SAMSN1: variants seen among roughly 807,000 people sequenced by gnomAD.
SAMSN1 encodes the protein SAM domain, SH3 domain and nuclear localization signals 1, also known as SAM domain-containing protein SAMSN-1.
In SAMSN1, 31 loss-of-function variants were observed where a neutral mutation model predicts 42.0. The observed-to-expected ratio is 0.74, with a 90% CI of 0.55 to 1.00. The LOEUF (loss-of-function observed/expected upper bound fraction) is 1.00, where lower values mean the gene tolerates loss of function less well. Ranked by LOEUF, SAMSN1 falls within the 50% of genes least tolerant of loss-of-function variation. The pLI is 0.00. For missense variants in SAMSN1, 464 were observed against 439.4 expected (o/e 1.06, Z -0.50); for synonymous variants, 178 against 151.9 (o/e 1.17, Z -1.26).
intron 2 of SAMSN1, 141 bp from the exon 3 acceptor site, chr21:14,517,182 G>T (rs770502801): frequency 1.4e-6 from 1 of 691,296 alleles, no homozygotes; most frequent in Non-Finnish European, 2.3e-6. Context: ...CTAACAATCC[G>T]GACATAACAC....
In SAMSN1 at chr21:14,631,363, G is replaced by A. The variant is rs1188342087; in HGVS notation, c.156+11639C>T. Among the ~76,000 whole-genome samples the A allele has an allele frequency of 2.6e-5, 4 of 152,276 alleles. No homozygotes were observed. In the East Asian group the frequency reaches 7.7e-4, roughly 29 times the overall value. On this transcript the variant is annotated intron_variant, in intron 2 of 15. Coordinates refer to the SAMSN1 transcript ENST00000647101. ...TCTCATTTTATAGGAGAAGAAACAAGGGCTTAAAGAGTTTAAAGAACTTGT... is the reference window on the plus strand; with the variant it reads ...TCTCATTTTATAGGAGAAGAAACAAAGGCTTAAAGAGTTTAAAGAACTTGT...
chr21:14,630,385 C>CT (rs59632143), intron 2 of SAMSN1, among the ~76,000 whole-genome samples: 4,549 of 142,130 alleles, frequency 0.032, 180 homozygotes, highest in African/African-American at 0.096. Context: ...TGCTTTACAG[C>CT]TTTTTTTTTT....
At chr21:14,616,768 A>G (rs74466723) in intron 2 of SAMSN1, among the ~76,000 whole-genome samples, 3,683 of 152,264 alleles carry the variant, frequency 0.024, 140 homozygotes, top group African/African-American at 0.081. Flanking sequence ...AGGAATTTAC[A>G]TACTAAAGAA....
chr21:14,583,595 G>A (rs550981317), upstream of SAMSN1: 15 of 697,008 alleles, frequency 2.2e-5, no homozygotes, highest in African/African-American at 2.7e-4. Context: ...ATTAACGTAT[G>A]CTTCCTTAGT....
intron 2 of SAMSN1, among the ~76,000 whole-genome samples, chr21:14,642,123 G>A (rs537588186): frequency 1.8e-4 from 28 of 152,158 alleles, no homozygotes; most frequent in Non-Finnish European, 4.0e-4. Context: ...AGGCTGAGGA[G>A]GACGAGGAAT....
In SAMSN1 at chr21:14,635,294, C is replaced by T. The variant is rs192471458; in HGVS notation, c.156+7708G>A. Among the ~76,000 whole-genome samples the T allele has an allele frequency of 3.3e-5, 5 of 152,244 alleles. No homozygotes were observed. In the East Asian group the frequency reaches 9.6e-4, roughly 29 times the overall value. ...GCAAAACACCATGACACGCATATAC[C>T]TATGTAACAACCCTGCATGTCCTGC... On this transcript the variant is annotated intron_variant, in intron 2 of 15. Coordinates refer to the SAMSN1 transcript ENST00000647101.
At chr21:14,582,837 TA>T (rs67608630) in intron 1 of SAMSN1, among the ~76,000 whole-genome samples, 9,481 of 151,824 alleles carry the variant, frequency 0.062, 577 homozygotes, top group African/African-American at 0.16. Context: ...TATTCTTAAA[TA>T]TTTTTTTAAT....
At chr21:14,636,632 C>A (rs1330933097) in intron 2 of SAMSN1, among the ~76,000 whole-genome samples, 1 of 152,066 alleles carries the variant, frequency 6.6e-6, no homozygotes, top group African/African-American at 2.4e-5. Flanking sequence ...CACGAGGTAA[C>A]AAGATCAGGA....
chr21:14,581,344 C>CTTTTTTTTTTTTTT (rs56728511), intron 2 of SAMSN1, among the ~76,000 whole-genome samples: 374 of 32,596 alleles, frequency 0.011, 152 homozygotes, highest in Non-Finnish European at 0.016. Flanking sequence ...AATAATATTT[C>CTTTTTTTTTTTTTT]TTTTTTTTTT....
chr21:14,525,486 A>G (rs552489890), intron 1 of SAMSN1, among the ~76,000 whole-genome samples: 1 of 152,364 alleles, frequency 6.6e-6, no homozygotes, highest in East Asian at 1.9e-4. Context: ...GAGACTTCAG[A>G]AACATATTAT....
chr21:14,563,762 T>C (rs1179560560), intron 2 of SAMSN1, among the ~76,000 whole-genome samples: 1 of 152,172 alleles, frequency 6.6e-6, no homozygotes, highest in Non-Finnish European at 1.5e-5. Flanking sequence ...CAATAGTTTC[T>C]TACCCTGCAA....
intron 5 of SAMSN1, among the ~76,000 whole-genome samples, chr21:14,602,864 G>A (rs915942685): frequency 6.6e-6 from 1 of 152,138 alleles, no homozygotes; most frequent in Non-Finnish European, 1.5e-5. Context: ...ATATTCTGCA[G>A]TGGAAGCAGG....
upstream of SAMSN1, among the ~76,000 whole-genome samples, chr21:14,587,504 C>T (rs1208476017): frequency 2.6e-5 from 4 of 152,130 alleles, no homozygotes; most frequent in African/African-American, 9.7e-5. Flanking sequence ...CTCCTATATG[C>T]TGACACCTTC....
chr21:14,509,906 G>A (rs751937225), intron 5 of SAMSN1, among the ~76,000 whole-genome samples: 8 of 152,130 alleles, frequency 5.3e-5, no homozygotes, highest in African/African-American at 1.4e-4. Flanking sequence ...TTGGGAGGCC[G>A]AGGCGGGCGG....
At chr21:14,548,430 G>C (rs2822763), upstream of SAMSN1, among the ~76,000 whole-genome samples, 96,103 of 151,996 alleles carry the variant, frequency 0.63, 33,077 homozygotes, top group African/African-American at 0.9. Context: ...ATAGAGAACA[G>C]TCACATTTAT....
At chr21:14,595,425 G>T (rs1281305539) in intron 6 of SAMSN1, among the ~76,000 whole-genome samples, 1 of 152,044 alleles carries the variant, frequency 6.6e-6, no homozygotes, top group Non-Finnish European at 1.5e-5. Context: ...ATATGTTTCT[G>T]TTTTTACAAA....
At chr21:14,547,337 A>C (rs1430012547), upstream of SAMSN1, among the ~76,000 whole-genome samples, 1 of 152,180 alleles carries the variant, frequency 6.6e-6, no homozygotes, top group Non-Finnish European at 1.5e-5. Flanking sequence ...TCTTCAAATA[A>C]AACACCCAGA....
chr21:14,556,859 C>T (rs1435248218), intron 2 of SAMSN1, among the ~76,000 whole-genome samples: 2 of 152,092 alleles, frequency 1.3e-5, no homozygotes, highest in African/African-American at 4.8e-5. Flanking sequence ...CATTTGCAGC[C>T]ATGTTTATGA....
At chr21:14,625,953 T>A (rs1479760261) in intron 2 of SAMSN1, among the ~76,000 whole-genome samples, 4 of 152,112 alleles carry the variant, frequency 2.6e-5, no homozygotes, top group African/African-American at 9.7e-5. Context: ...GGAACAGAAC[T>A]GAGACCTCTG....
Sources: allele counts gnomAD v4.1 joint callset (sites outside exome capture counted in the v4.1 genomes callset), GRCh38; gene constraint gnomAD v4.1.1; transcripts MANE v1.5; gene names NCBI Gene and HGNC (gene_info 2026-07-23, HGNC 2026-07-21).